The following KMT2C variants were observed in gnomAD, a reference collection of about 807,000 sequenced individuals.
KMT2C encodes lysine methyltransferase 2C.
Under a neutral mutation model 507.9 loss-of-function variants are expected in KMT2C, and 88 were observed. The ratio of observed to expected loss-of-function variants is 0.17; its 90% CI spans 0.15 to 0.21. The LOEUF (loss-of-function observed/expected upper bound fraction) is 0.21, where lower values mean the gene tolerates loss of function less well. Ranked by LOEUF, KMT2C falls within the 10% of genes least tolerant of loss-of-function variation. KMT2C has a pLI of 1.00. For missense variants in KMT2C, 4,954 were observed against 5,957.8 expected (o/e 0.83, Z 5.55); for synonymous variants, 2,049 against 2,080.8 (o/e 0.98, Z 0.42).
At chr7:152,296,584 G>A (rs2096498717) in intron 6 of KMT2C, among the ~76,000 whole-genome samples, 1 of 151,874 alleles carries the variant, frequency 6.6e-6, no homozygotes, top group Non-Finnish European at 1.5e-5. Context: ...AATGCTTAGA[G>A]GTCCTGCCCA....
In KMT2C at chr7:152,219,485, C is replaced by T. The variant is rs2094696796; in HGVS notation, c.3712+1038G>A. ...TCAAAGCCAGCTGCAGTGGCGCATG[C>T]CTATAGTACCTGCTACTTGAGAGGC... On this transcript the variant is annotated intron_variant, in intron 23 of 58. Coordinates refer to ENST00000262189, the MANE Select transcript of KMT2C (RefSeq NM_170606.3). 2.0e-5 allele frequency among the ~76,000 whole-genome samples: 3 copies of T among 152,050 alleles called. No homozygotes were observed. In the South Asian group the frequency reaches 6.2e-4, roughly 32 times the overall value.
rs2090093562 is a variant in KMT2C, at chr7:152,138,103, G to A, written c.14643+693C>T. The A allele has an allele frequency of 6.6e-6, 1 of 152,228 alleles. No homozygotes were observed. The highest frequency in any genetic ancestry group is 2.4e-5 in the African/African-American group (1 of 41,450). 9.4% of individuals were successfully genotyped at this position (152,228 alleles called of 1,614,324 possible). ...CTGCTGCTCAGTGACAGCTTTCCAG[G>A]AAATGCCAATTCCAGAACCAAGGTA... On this transcript the variant is annotated intron_variant, in intron 58 of 58. Coordinates refer to ENST00000262189, the MANE Select transcript of KMT2C (RefSeq NM_170606.3). This position sits in a 1 kb window ranked among gnomAD's most constrained non-coding sequence, Gnocchi z 4.2.
At chr7:152,416,164 G>A (rs1372041358) in intron 1 of KMT2C, among the ~76,000 whole-genome samples, 2 of 152,186 alleles carry the variant, frequency 1.3e-5, no homozygotes, top group Non-Finnish European at 2.9e-5. Flanking sequence ...CAAGGCAGGG[G>A]AGATCACTTG....
Position 152,183,605 on chromosome 7 carries a change from TAC to T in KMT2C, c.5083-451_5083-450del, listed in dbSNP as rs573006794. On this transcript the variant is annotated intron_variant, in intron 34 of 58. Coordinates refer to ENST00000262189, the MANE Select transcript of KMT2C (RefSeq NM_170606.3). The stretch of plus-strand genomic sequence containing the variant: ...GGTGAAACCCCACCTCTACTAAAAA[TAC>T]AAAATTAGGCCAGGCGCAGTGGCTC... Among the ~76,000 whole-genome samples, 479 of 151,848 alleles carry T rather than the reference TAC, an allele frequency of 3.2e-3. 3 individuals carry two copies. The highest frequency in any genetic ancestry group is 0.011 in the African/African-American group (453 of 41,382).
At chr7:152,414,737 C>T (rs965773287) in intron 1 of KMT2C, among the ~76,000 whole-genome samples, 2 of 152,022 alleles carry the variant, frequency 1.3e-5, no homozygotes, top group African/African-American at 4.8e-5. Context: ...CTCAGGTGAT[C>T]CACCCACCTC....
rs1563283651 is a variant in KMT2C, at chr7:152,181,291, A to C, written c.6569T>G (p.Phe2190Cys). Residue 2190 changes from phenylalanine to cysteine, a missense_variant, in exon 36 of 59, where the codon TTT becomes TGT. Transcript: ENST00000262189. ...CCTCTGATTTGTTACAGGTGTAACA[A>C]ACAAGTCAGTTTGTGTAGATGGTCT... The part of the protein sequence containing the change: ...TPRPSTQTDL[F>C]VTPVTNQRHS... The C allele has an allele frequency of 6.2e-7, 1 of 1,614,076 alleles. No individual in the cohort carries two copies. The highest frequency in any genetic ancestry group is 8.5e-7 in the Non-Finnish European group (1 of 1,180,012).
In KMT2C at chr7:152,435,707, G is replaced by C. The variant is rs769792555; in HGVS notation, c.80C>G (p.Pro27Arg). 4.6e-6 allele frequency: 7 copies of C among 1,536,990 alleles called. No individual in the cohort carries two copies. Among genetic ancestry groups the C allele is most frequent in the Non-Finnish European group, 6.1e-6 (7 of 1,140,554 alleles). Residue 27 changes from proline to arginine, a missense_variant, in exon 1 of 59, where the codon CCG becomes CGG. This residue lies in a region of KMT2C where 51 missense variants were observed against 43.5 expected (regional missense o/e 1.17). Coordinates refer to ENST00000262189, the MANE Select transcript of KMT2C (RefSeq NM_170606.3). Reference protein sequence around the residue: ...PPPEEPGAPAPSPAAADKRPR... With the variant: ...PPPEEPGAPARSPAAADKRPR... ...TCTTTTGTCTGCGGCTGCGGGGCTC[G>C]GGGCCGGGGCTCCAGGCTCCTCGGG...
intron 1 of KMT2C, among the ~76,000 whole-genome samples, chr7:152,410,236 C>A (rs1358731152): frequency 6.6e-6 from 1 of 152,256 alleles, no homozygotes; most frequent in Non-Finnish European, 1.5e-5. Flanking sequence ...ATGGTGAAAC[C>A]CCGTCTCTAC....
chr7:152,402,079 C>T (rs1589755174), intron 1 of KMT2C, among the ~76,000 whole-genome samples: 3 of 152,416 alleles, frequency 2.0e-5, no homozygotes, highest in Admixed American at 6.5e-5. Flanking sequence ...CATTGCACTC[C>T]AGCCTGGGCA....
At chr7:152,271,718 C>T (rs1339441003) in intron 7 of KMT2C, among the ~76,000 whole-genome samples, 1 of 147,752 alleles carries the variant, frequency 6.8e-6, no homozygotes, top group Non-Finnish European at 1.5e-5. Flanking sequence ...CTAATTTAGT[C>T]ATTTAGGCCT....
At chr7:152,379,344 CCTGGTCAACATGGTGAAA>C (rs1372601161) in intron 1 of KMT2C, among the ~76,000 whole-genome samples, 1 of 152,048 alleles carries the variant, frequency 6.6e-6, no homozygotes. Flanking sequence ...TCAAGACCAG[CCTGGTCAACATGGTGAAA>C]CCCCATCTCT....
At position 152,181,489 on chromosome 7, in the gene KMT2C, C is replaced by T; in HGVS notation, c.6371G>A (p.Arg2124Lys). Residue 2124 changes from arginine to lysine, a missense_variant, in exon 36 of 59, where the codon AGG (arginine) becomes AAG (lysine). This residue lies in a region of KMT2C where 1,689 missense variants were observed against 1,654.3 expected (regional missense o/e 1.02). Coordinates refer to ENST00000262189, the MANE Select transcript of KMT2C (RefSeq NM_170606.3). ...RAFSQPGTIS[R>K]PTSQDPYSQP... ...GGAGTATGGGTCCTGAGATGTTGGC[C>T]TTGATATGGTTCCAGGCTGGGAAAA... 6.2e-7 allele frequency: 1 copy of T among 1,613,916 alleles called. No homozygotes were observed. Among genetic ancestry groups the T allele is most frequent in the Non-Finnish European group, 8.5e-7 (1 of 1,179,974 alleles).
At chr7:152,194,637 T>C in intron 28 of KMT2C, 69 bp from the exon 29 acceptor site, 5 of 1,161,000 alleles carry the variant, frequency 4.3e-6, no homozygotes, top group Non-Finnish European at 6.4e-6. Flanking sequence ...ATAGCACTAT[T>C]TACCTGTACT....
Position 152,163,266 on chromosome 7 carries a change from C to T in KMT2C, c.10311G>A (p.Val3437=). The T allele has an allele frequency of 1.9e-6, 3 of 1,614,190 alleles. No individual in the cohort carries two copies. The highest frequency in any genetic ancestry group is 1.7e-6 in the Non-Finnish European group (2 of 1,180,034). The stretch of plus-strand genomic sequence containing the variant: ...TCCTACTACTACTTATCTCAGAGCC[C>T]ACCATACCATGCTGCTCCATTTCCA... The part of the protein sequence containing the change: ...QRMEMEQHGM[V]GSEISSSRTS... The change falls in exon 43 of 59, where the codon GTG becomes GTA. Residue 3437 remains valine, a synonymous_variant. Transcript: ENST00000262189.
chr7:152,163,314 T>G lies in KMT2C; in HGVS notation c.10263A>C (p.Arg3421Ser). The G allele has an allele frequency of 6.2e-7, 1 of 1,614,222 alleles. No individual in the cohort carries two copies. Among genetic ancestry groups the G allele is most frequent in the Non-Finnish European group, 8.5e-7 (1 of 1,180,034 alleles). ...QRIQLMQEVD[R>S]QRALQQRMEM... The stretch of plus-strand genomic sequence containing the variant: ...CCATCCTCTGCTGCAAAGCTCTTTG[T>G]CTATCTACCTCCTGCATGAGTTGGA... The change falls in exon 43 of 59, where the codon AGA becomes AGC. Residue 3421 changes from arginine (R) to serine (S), a missense_variant. Transcript: ENST00000262189.
At chr7:152,167,452 T>C in intron 41 of KMT2C, 74 bp from the exon 42 acceptor site, 12 of 1,000,158 alleles carry the variant, frequency 1.2e-5, no homozygotes, top group Non-Finnish European at 1.7e-5. Context: ...AAATCTATTT[T>C]GTAAGGAAGT....
rs1181511789 is a variant in KMT2C at position 152,171,360 on chromosome 7, AC to A, written c.9375-19del. 6.5e-7 allele frequency: 1 copy of A among 1,543,804 alleles called. No homozygotes were observed. Among genetic ancestry groups the A allele is most frequent in the African/African-American group, 1.4e-5 (1 of 72,984 alleles). On this transcript the variant is annotated intron_variant, in intron 39 of 58. Transcript: ENST00000262189. ...AAGGGAACCTGTCAAAACAGGGTAC[AC>A]AAGTATCAAGTGATGAGCGTTTAGA...
In KMT2C at chr7:152,148,214, A is replaced by T. The variant is rs771645323; in HGVS notation, c.13713T>A (p.Ser4571=). The T allele has an allele frequency of 6.2e-7, 1 of 1,614,196 alleles. No individual in the cohort carries two copies. The highest frequency in any genetic ancestry group is 1.7e-5 in the Admixed American group (1 of 60,028). The stretch of plus-strand genomic sequence containing the variant: ...AGCCCACAGGGAAGAGTGCTTTAGG[A>T]GAATGGAATGCTTGCATCTGCTGTG... ...LLPQQMQAFH[S]PKALFPVGYE... Residue 4571 remains serine, a synonymous_variant, in exon 52 of 59, where the codon TCT becomes TCA. Transcript: ENST00000262189. This position sits in a 1 kb window ranked among gnomAD's most constrained non-coding sequence, Gnocchi z 7.1.
intron 14 of KMT2C, 34 bp downstream of exon 14, chr7:152,247,868 A>C: frequency 1.3e-6 from 2 of 1,523,690 alleles, no homozygotes; most frequent in Non-Finnish European, 1.8e-6. Flanking sequence ...TTGTTCCAAT[A>C]TCTTTTCTGT....
Sources: allele counts gnomAD v4.1 joint callset (sites outside exome capture counted in the v4.1 genomes callset), GRCh38; gene constraint gnomAD v4.1.1; regional missense constraint gnomAD v4.1.1; non-coding constraint Gnocchi (gnomAD v3.1); transcripts MANE v1.5; gene names NCBI Gene and HGNC (gene_info 2026-07-23, HGNC 2026-07-21).